Variants in GANC observed in about 807,000 individuals in gnomAD.
GANC encodes the protein neutral alpha-glucosidase C.
A neutral mutation model predicts 124.2 loss-of-function variants in GANC; 117 were observed. The observed-to-expected ratio is 0.94, with a 90% CI of 0.81 to 1.10. The LOEUF is 1.10. Ranked by LOEUF, GANC falls within the 50% of genes least tolerant of loss-of-function variation. The probability of loss-of-function intolerance (pLI) is 0.00; values close to 1 mark genes in which losing one functional copy is unlikely to be tolerated. For missense variants in GANC, 1,140 were observed against 1,095.0 expected, an observed-to-expected ratio of 1.04 and a Z score of -0.58; for synonymous variants, 377 against 376.8, an observed-to-expected ratio of 1.00 and a Z score of -0.01.
rs754637901 is a variant in GANC at position 42,306,527 on chromosome 15, C to A, written c.559-19C>A. ...TTGCAATTTGTAAACTCAGTTTGCT[C>A]CCTTTTTTGTACCAACAGGAAAATC... On this transcript the variant is annotated intron_variant, in intron 6 of 23. Coordinates refer to ENST00000318010, the MANE Select transcript of GANC (RefSeq NM_198141.3). 6.2e-7 allele frequency: 1 copy of A among 1,600,048 alleles called. No individual in the cohort carries two copies. The highest frequency in any genetic ancestry group is 1.1e-5 in the South Asian group (1 of 89,380).
chr15:42,322,816 G>C (rs920376677), intron 11 of GANC, among the ~76,000 whole-genome samples: 2 of 152,098 alleles, frequency 1.3e-5, no homozygotes, highest in Non-Finnish European at 2.9e-5. Flanking sequence ...CAGGAGTGGT[G>C]GTGGTGGTAA....
chr15:42,309,897 G>C (rs2052034467), intron 8 of GANC, among the ~76,000 whole-genome samples: 1 of 152,084 alleles, frequency 6.6e-6, no homozygotes, highest in Non-Finnish European at 1.5e-5. Context: ...GCACGCACCT[G>C]TATTCCCCGC....
At chr15:42,326,581 G>C (rs1413472905) in intron 12 of GANC, among the ~76,000 whole-genome samples, 157 bp downstream of exon 12, 1 of 152,090 alleles carries the variant, frequency 6.6e-6, no homozygotes, top group Non-Finnish European at 1.5e-5. Flanking sequence ...GCCTTCTTTT[G>C]TATCTTTTAT....
At chr15:42,303,670 G>GAAAAAAAAA (rs150074091) in intron 6 of GANC, among the ~76,000 whole-genome samples, 10 of 128,400 alleles carry the variant, frequency 7.8e-5, no homozygotes, top group South Asian at 2.4e-4. Context: ...TATTTACCAA[G>GAAAAAAAAA]AAAAAAAAAA....
chr15:42,324,078 A>G (rs2141058764), intron 11 of GANC, among the ~76,000 whole-genome samples: 1 of 151,646 alleles, frequency 6.6e-6, no homozygotes, highest in Non-Finnish European at 1.5e-5. Context: ...AACTCCTACA[A>G]CTCAGCAACA....
At chr15:42,328,506 C>CAAAAAAAAAA (rs530447078) in intron 13 of GANC, among the ~76,000 whole-genome samples, 2 of 104,052 alleles carry the variant, frequency 1.9e-5, no homozygotes, top group African/African-American at 3.4e-5. Flanking sequence ...AATAAAGATT[C>CAAAAAAAAAA]AAAAAAAAAA....
At chr15:42,340,789 C>T (rs755819679) in intron 18 of GANC, 35 bp downstream of exon 18, 46 of 1,315,624 alleles carry the variant, frequency 3.5e-5, no homozygotes, top group Admixed American at 6.2e-5. Flanking sequence ...TTTTTTGAGA[C>T]GGAGTCTCAC....
chr15:42,338,379 G>A lies in GANC; in HGVS notation c.1742-10G>A, dbSNP rs367799059. On this transcript the variant is annotated splice_polypyrimidine_tract_variant and intron_variant, in intron 15 of 23. Transcript: ENST00000318010. ...TTGTGATTTTAATACATTGTTGCTGGTGACCAAAGGTGCCGTGTGGACAGG... is the reference window on the plus strand; with the variant it reads ...TTGTGATTTTAATACATTGTTGCTGATGACCAAAGGTGCCGTGTGGACAGG... 3 of 1,604,270 alleles carry A rather than the reference G, an allele frequency of 1.9e-6. No individual in the cohort carries two copies. The highest frequency in any genetic ancestry group is 1.7e-6 in the Non-Finnish European group (2 of 1,172,366).
intron 6 of GANC, among the ~76,000 whole-genome samples, chr15:42,301,080 A>G (rs2051941573): frequency 6.6e-6 from 1 of 152,100 alleles, no homozygotes; most frequent in Non-Finnish European, 1.5e-5. Context: ...AGATGGCTGA[A>G]TAGGAACAGC....
intron 18 of GANC, among the ~76,000 whole-genome samples, chr15:42,342,350 G>A (rs780735487): frequency 6.6e-6 from 1 of 152,170 alleles, no homozygotes; most frequent in African/African-American, 2.4e-5. Context: ...GTGGGAGGTC[G>A]AGTATGAGAT....
rs35285091 is a variant in GANC at position 42,310,423 on chromosome 15, C to G, written c.863C>G (p.Ser288Trp). The G allele has an allele frequency of 3.2e-5, 52 of 1,613,394 alleles. No homozygotes were observed. Among genetic ancestry groups the G allele is most frequent in the Non-Finnish European group, 4.2e-5 (50 of 1,179,640 alleles). The change falls in exon 9 of 24, where the codon TCG becomes TGG. Residue 288 changes from serine (S) to tryptophan (W), a missense_variant. Physicochemically the swap from Ser to Trp is radical, Grantham distance 177. Coordinates refer to ENST00000318010, the MANE Select transcript of GANC (RefSeq NM_198141.3). ...ATAGGTATTTTCTGGCTGAATGCCT[C>G]GGAAACACTGGTGGAGATCAATACA... is the stretch of plus-strand genomic sequence containing the variant. ...RTIGIFWLNA[S>W]ETLVEINTEP... is the part of the protein sequence containing the mutation.
chr15:42,315,293 C>A (rs1215013484), intron 10 of GANC, among the ~76,000 whole-genome samples: 1 of 151,868 alleles, frequency 6.6e-6, no homozygotes, highest in Non-Finnish European at 1.5e-5. Context: ...AATTCTTAAA[C>A]AACAAAAAGA....
At position 42,273,409 on chromosome 15, in the gene GANC, G is replaced by T; in HGVS notation, c.-1073G>T. The stretch of plus-strand genomic sequence containing the variant: ...CGCAGCCGCCGCCATCTTCACAGCC[G>T]TGGAGTGCCTACCGAAAGCATTTCA... On this transcript the variant is annotated 5_prime_UTR_variant, in exon 1 of 24. Transcript: ENST00000318010. The T allele has an allele frequency of 6.2e-7, 1 of 1,613,722 alleles. No individual in the cohort carries two copies.
intron 1 of GANC, among the ~76,000 whole-genome samples, chr15:42,275,839 G>A (rs2051666067): frequency 6.6e-6 from 1 of 152,144 alleles, no homozygotes; most frequent in African/African-American, 2.4e-5. Flanking sequence ...CTTGTATTGT[G>A]ATTGCTGGTA....
At chr15:42,343,044 T>C in intron 18 of GANC, 34 bp from the exon 19 acceptor site, 1 of 1,566,604 alleles carries the variant, frequency 6.4e-7, no homozygotes, top group Non-Finnish European at 8.8e-7. Flanking sequence ...CCTCTTATAA[T>C]GATACTCAAC....
rs1370908622 is a variant in GANC, at chr15:42,273,360, A to G, written c.-1122A>G. The G allele has an allele frequency of 6.2e-7, 1 of 1,613,964 alleles. No individual in the cohort carries two copies. Among genetic ancestry groups the G allele is most frequent in the African/African-American group, 1.3e-5 (1 of 74,910 alleles). ...ACGGGTGAGCTCCCAGAAGCAGAAG[A>G]ATGACAGGCAACACCTGAAGCCACG... On this transcript the variant is annotated 5_prime_UTR_variant, in exon 1 of 24. Transcript: ENST00000318010.
chr15:42,337,713 C>G (rs576223267), intron 15 of GANC, among the ~76,000 whole-genome samples: 4 of 152,190 alleles, frequency 2.6e-5, no homozygotes, highest in Non-Finnish European at 5.9e-5. Flanking sequence ...TACCCCTGAA[C>G]TTAAATATTT....
Position 42,352,156 on chromosome 15 carries a change from G to A in GANC, c.*17G>A, listed in dbSNP as rs779636984. The A allele has an allele frequency of 6.2e-7, 1 of 1,614,030 alleles. No homozygotes were observed. The highest frequency in any genetic ancestry group is 1.1e-5 in the South Asian group (1 of 91,072). On this transcript the variant is annotated 3_prime_UTR_variant, in exon 24 of 24. Coordinates refer to ENST00000318010, the MANE Select transcript of GANC (RefSeq NM_198141.3). ...ATCATATGACAAAGAACTGCCCCTG[G>A]TGATGTGAGCAGGGACCTGCCTGCC...
At chr15:42,315,974 ATCTC>A (rs1192795365) in intron 10 of GANC, among the ~76,000 whole-genome samples, 1 of 152,118 alleles carries the variant, frequency 6.6e-6, no homozygotes, top group East Asian at 1.9e-4. Context: ...AAGTATTTGT[ATCTC>A]TCTCTGTGTA....
Sources: allele counts gnomAD v4.1 joint callset (sites outside exome capture counted in the v4.1 genomes callset), GRCh38; gene constraint gnomAD v4.1.1; transcripts MANE v1.5; gene names NCBI Gene and HGNC (gene_info 2026-07-23, HGNC 2026-07-21).